Variants in TENM2 observed in about 807,000 individuals in gnomAD.
The protein encoded by TENM2 is teneurin transmembrane protein 2.
A neutral mutation model predicts 245.2 loss-of-function variants in TENM2; 52 were observed. The ratio of observed to expected loss-of-function variants is 0.21; its 90% confidence interval spans 0.17 to 0.27. TENM2 has a LOEUF of 0.27. Ranked by LOEUF, TENM2 falls within the 10% of genes least tolerant of loss-of-function variation. The pLI, the probability that TENM2 is intolerant of heterozygous loss-of-function variation, is 1.00. For missense variants in TENM2, 3,046 were observed against 3,666.8 expected, an observed-to-expected ratio of 0.83 and a Z score of 4.37; for synonymous variants, 1,363 against 1,438.9, an observed-to-expected ratio of 0.95 and a Z score of 1.19.
At chr5:167,672,627 A>G (rs1756033282) in intron 2 of TENM2, among the ~76,000 whole-genome samples, 1 of 152,124 alleles carries the variant, frequency 6.6e-6, no homozygotes, top group Non-Finnish European at 1.5e-5. Flanking sequence ...GCATTGCAAT[A>G]TATTCCACTG....
At chr5:167,452,948 T>TATATATATATATATATATATTTTAA (rs10627779) in intron 2 of TENM2, among the ~76,000 whole-genome samples, 3,185 of 47,266 alleles carry the variant, frequency 0.067, 369 homozygotes, top group African/African-American at 0.079. Context: ...TATATATATA[T>TATATATATATATATATATATTTTAA]ATATATATAT....
chr5:167,515,679 A>ACACATATATACATATATATG (rs1239603072), intron 2 of TENM2, among the ~76,000 whole-genome samples: 1 of 148,904 alleles, frequency 6.7e-6, no homozygotes, highest in African/African-American at 2.5e-5. Context: ...GTGTATATAT[A>ACACATATATACATATATATG]TTTTGAGAGG....
At chr5:167,234,455 G>A in the TENM2 span, among the ~76,000 whole-genome samples, 2 of 152,150 alleles carry the variant, frequency 1.3e-5, no homozygotes, top group East Asian at 3.9e-4. Flanking sequence ...ACTATGCTTT[G>A]TTTCATCAGG....
chr5:167,223,022 AT>A, the TENM2 span, among the ~76,000 whole-genome samples: 16 of 151,846 alleles, frequency 1.1e-4, no homozygotes, highest in African/African-American at 2.4e-4. Context: ...TTTCAATAGG[AT>A]TTTTTTTATT....
At chr5:167,162,937 A>G in the TENM2 span, among the ~76,000 whole-genome samples, 5 of 152,114 alleles carry the variant, frequency 3.3e-5, no homozygotes, top group Non-Finnish European at 7.4e-5. Context: ...GTGCCTCTCA[A>G]TTGAATGGGT....
the TENM2 span, among the ~76,000 whole-genome samples, chr5:167,200,396 T>C: frequency 2.0e-5 from 3 of 152,036 alleles, no homozygotes; most frequent in African/African-American, 4.8e-5. Context: ...CATGACATTC[T>C]ACTTCGTTTG....
chr5:167,249,958 G>T, the TENM2 span, among the ~76,000 whole-genome samples: 2 of 152,172 alleles, frequency 1.3e-5, no homozygotes, highest in African/African-American at 4.8e-5. Context: ...ACAGGGCTAA[G>T]TAAACGATTA....
chr5:167,092,758 C>T, the TENM2 span, among the ~76,000 whole-genome samples: 1 of 152,124 alleles, frequency 6.6e-6, no homozygotes, highest in Non-Finnish European at 1.5e-5. Context: ...ACTATAGTCA[C>T]TCCTGTAATT....
At chr5:167,254,698 G>C in the TENM2 span, among the ~76,000 whole-genome samples, 1 of 152,104 alleles carries the variant, frequency 6.6e-6, no homozygotes, top group Non-Finnish European at 1.5e-5. Flanking sequence ...AATAAAAAAT[G>C]ATATCTGCCA....
chr5:167,259,869 C>T, the TENM2 span, among the ~76,000 whole-genome samples: 2 of 152,060 alleles, frequency 1.3e-5, no homozygotes, highest in Non-Finnish European at 2.9e-5. Flanking sequence ...GTCTAATGTA[C>T]CAATAAAGTT....
At chr5:168,122,468 G>A (rs996279338) in intron 10 of TENM2, among the ~76,000 whole-genome samples, 20 of 152,240 alleles carry the variant, frequency 1.3e-4, no homozygotes, top group African/African-American at 4.6e-4. Flanking sequence ...GAGTCACCAC[G>A]CCTGGCCCGC....
At chr5:167,284,201 A>ACT (rs1175270388), upstream of TENM2, among the ~76,000 whole-genome samples, 36 of 152,234 alleles carry the variant, frequency 2.4e-4, no homozygotes, top group Non-Finnish European at 4.4e-4. Context: ...CATGTCGAGA[A>ACT]CAACTTTTAT....
At chr5:167,126,690 A>AT in the TENM2 span, among the ~76,000 whole-genome samples, 18 of 151,954 alleles carry the variant, frequency 1.2e-4, no homozygotes, top group South Asian at 2.9e-3. Context: ...ATATTTTGCA[A>AT]TTTTTTTTGT....
chr5:167,806,913 C>T (rs2150973781), intron 2 of TENM2, among the ~76,000 whole-genome samples: 1 of 151,818 alleles, frequency 6.6e-6, no homozygotes, highest in South Asian at 2.1e-4. Context: ...TGTGACAGTA[C>T]ACACAGAGCA....
chr5:167,549,661 A>G lies in TENM2; in HGVS notation c.502+174188A>G, dbSNP rs148066727. 1.7e-4 allele frequency among the ~76,000 whole-genome samples: 26 copies of G among 152,304 alleles called. No homozygotes were observed. In the East Asian group the frequency reaches 3.1e-3, roughly 18 times the overall value. On this transcript the variant is annotated intron_variant, in intron 2 of 28. Coordinates refer to ENST00000518659, the Ensembl canonical transcript of TENM2. ...AATGGAGATTTGATGTATCTGTACC[A>G]TAGATTTAAAAAAAGAACTCTACCT...
intron 2 of TENM2, among the ~76,000 whole-genome samples, chr5:167,482,787 A>C (rs1315582180): frequency 1.3e-5 from 2 of 152,236 alleles, no homozygotes; most frequent in Non-Finnish European, 2.9e-5. Flanking sequence ...TCATAGGGCA[A>C]CAGTTATATT....
intron 2 of TENM2, among the ~76,000 whole-genome samples, chr5:167,589,539 A>G (rs1363265101): frequency 2.0e-5 from 3 of 152,196 alleles, no homozygotes; most frequent in African/African-American, 7.2e-5. Flanking sequence ...TGATAGCAAT[A>G]GAAATTAGCA....
intron 2 of TENM2, among the ~76,000 whole-genome samples, chr5:167,816,252 T>C (rs969987135): frequency 1.3e-5 from 2 of 152,198 alleles, no homozygotes; most frequent in South Asian, 4.2e-4. Context: ...CTTCCTGTAT[T>C]CCCTTTGATC....
chr5:167,082,723 T>A, the TENM2 span, among the ~76,000 whole-genome samples: 1 of 152,202 alleles, frequency 6.6e-6, no homozygotes, highest in Non-Finnish European at 1.5e-5. Flanking sequence ...AGTAGTAGGT[T>A]CACATACAGA....
Sources: gnomAD v4.1 joint callset for allele counts (sites outside exome capture counted in the v4.1 genomes callset) on GRCh38, gnomAD v4.1.1 for gene constraint, MANE v1.5 for transcripts, NCBI Gene and HGNC (gene_info 2026-07-23, HGNC 2026-07-21) for gene names.